GRM5: variants seen among roughly 807,000 people sequenced by gnomAD.
GRM5 encodes glutamate metabotropic receptor 5, also known as metabotropic glutamate receptor 5.
A neutral mutation model predicts 83.1 loss-of-function variants in GRM5; 19 were observed. That is an observed-to-expected ratio of 0.23 (90% CI 0.16 to 0.34). The LOEUF (loss-of-function observed/expected upper bound fraction) is 0.34, where lower values mean the gene tolerates loss of function less well. GRM5 is among the 10% of genes least tolerant of loss of function. The pLI is 1.00. For missense variants in GRM5, 1,160 were observed against 1,588.3 expected (o/e 0.73, Z 4.58); for synonymous variants, 675 against 633.6 (o/e 1.07, Z -0.98).
intron 2 of GRM5, among the ~76,000 whole-genome samples, chr11:88,897,934 T>C (rs1484313360): frequency 6.6e-6 from 1 of 152,024 alleles, no homozygotes; most frequent in East Asian, 1.9e-4. Flanking sequence ...GCCCCATGTT[T>C]GACCAACTTT....
chr11:88,984,486 T>A (rs1939632181), intron 2 of GRM5, among the ~76,000 whole-genome samples: 2 of 152,272 alleles, frequency 1.3e-5, no homozygotes, highest in African/African-American at 4.8e-5. Flanking sequence ...GTTCACAGGA[T>A]GAAACTGCCT....
intron 2 of GRM5, among the ~76,000 whole-genome samples, chr11:88,901,056 G>T (rs1412865365): frequency 6.6e-6 from 1 of 152,058 alleles, no homozygotes; most frequent in East Asian, 1.9e-4. Flanking sequence ...AGAACTTTTA[G>T]GCCAGTTATC....
chr11:88,951,712 T>C (rs2135680115), intron 2 of GRM5, among the ~76,000 whole-genome samples: 1 of 152,364 alleles, frequency 6.6e-6, no homozygotes, highest in East Asian at 1.9e-4. Flanking sequence ...CAACAACGTC[T>C]ATAGTGCAAG....
chr11:88,744,694 T>C (rs1047727301), intron 3 of GRM5, among the ~76,000 whole-genome samples: 4 of 151,914 alleles, frequency 2.6e-5, no homozygotes, highest in African/African-American at 9.7e-5. Flanking sequence ...AAAAAGAAAA[T>C]AAAGGTGGCT....
rs1942905856 is a variant in GRM5 at position 88,567,815 on chromosome 11, G to A, written c.1868C>T (p.Ala623Val). The A allele has an allele frequency of 1.9e-6, 3 of 1,614,016 alleles. No homozygotes were observed. In the African/African-American group the frequency reaches 4.0e-5, roughly 22 times the overall value. Residue 623 changes from alanine (A) to valine (V), a missense_variant, in exon 8 of 10, where the codon GCT becomes GTT. Transcript: ENST00000305447. The surrounding 1 kb of genome is among the most constrained non-coding windows in gnomAD (Gnocchi z 7.3). ...SSRELCYIIL[A>V]GICLGYLCTF... ...ACATAAGTAGCCCAGGCAGATGCCAGCAAGGATAATGTAGCAGAGTTCCCT... is the reference window on the plus strand; with the variant it reads ...ACATAAGTAGCCCAGGCAGATGCCAACAAGGATAATGTAGCAGAGTTCCCT...
rs781319056 is a variant in GRM5 at position 88,507,965 on chromosome 11, C to A, written c.*627G>T. The A allele has an allele frequency of 6.6e-6, 1 of 152,454 alleles. No individual in the cohort carries two copies. The highest frequency in any genetic ancestry group is 6.5e-5 in the Admixed American group (1 of 15,278). The allele number at this position is 152,454 out of a possible 1,614,324, so 9.4% of individuals were successfully genotyped here. A position where few individuals can be genotyped will look rare whatever the true frequency, so the allele number is the denominator to read the frequency against. ...AGGAAAATCTCTGGTAGAAGCCCTA[C>A]GTAGTACATTAGCGCAGCACTCACT... On this transcript the variant is annotated 3_prime_UTR_variant, in exon 10 of 10. Transcript: ENST00000305447.
intron 3 of GRM5, among the ~76,000 whole-genome samples, chr11:88,701,435 A>C (rs1173545551): frequency 6.6e-6 from 1 of 152,122 alleles, no homozygotes; most frequent in Non-Finnish European, 1.5e-5. Context: ...TTCTTGGAAG[A>C]GTGAGGGAAC....
At chr11:88,717,058 T>A (rs983080879) in intron 3 of GRM5, among the ~76,000 whole-genome samples, 2 of 151,988 alleles carry the variant, frequency 1.3e-5, no homozygotes, top group Admixed American at 1.3e-4. Flanking sequence ...TAAATTATCA[T>A]GTATGTCTAT....
chr11:88,552,677 G>A (rs1212854993), intron 8 of GRM5, among the ~76,000 whole-genome samples: 1 of 152,154 alleles, frequency 6.6e-6, no homozygotes, highest in East Asian at 1.9e-4. Flanking sequence ...GAGGGGAGAA[G>A]AAAAGGAGGA....
intron 3 of GRM5, among the ~76,000 whole-genome samples, chr11:88,773,972 C>A (rs1032783351): frequency 6.6e-6 from 1 of 152,032 alleles, no homozygotes; most frequent in African/African-American, 2.4e-5. Flanking sequence ...AAAGTAGTTT[C>A]TTCCAATTCT....
intron 2 of GRM5, among the ~76,000 whole-genome samples, chr11:88,871,226 A>T (rs754374722): frequency 2.6e-5 from 4 of 151,660 alleles, no homozygotes; most frequent in Non-Finnish European, 5.9e-5. Flanking sequence ...AGATGAAGAA[A>T]CTACAGCAGA....
At chr11:88,757,544 A>T (rs1603894) in intron 3 of GRM5, among the ~76,000 whole-genome samples, 109,856 of 151,768 alleles carry the variant, frequency 0.72, 40,181 homozygotes, top group African/African-American at 0.75. Context: ...CCACAGAGAG[A>T]GCACACAGAC....
chr11:88,565,248 A>G (rs1380300974), intron 8 of GRM5, among the ~76,000 whole-genome samples: 3 of 152,232 alleles, frequency 2.0e-5, no homozygotes, highest in Non-Finnish European at 4.4e-5. Context: ...GCTACCTTCA[A>G]TAAAGTGCCT....
intron 3 of GRM5, among the ~76,000 whole-genome samples, chr11:88,782,088 T>C (rs531481936): frequency 2.8e-4 from 42 of 152,114 alleles, no homozygotes; most frequent in Non-Finnish European, 5.4e-4. Context: ...GCATGGTATT[T>C]ATTAATATGT....
chr11:88,787,509 T>G (rs1198022224), intron 3 of GRM5, among the ~76,000 whole-genome samples: 1 of 152,078 alleles, frequency 6.6e-6, no homozygotes, highest in East Asian at 1.9e-4. Context: ...GGAAATGGCA[T>G]GATTTCCTAT....
intron 3 of GRM5, among the ~76,000 whole-genome samples, chr11:88,728,966 A>G (rs1941744524): frequency 6.6e-6 from 1 of 152,202 alleles, no homozygotes; most frequent in Non-Finnish European, 1.5e-5. Flanking sequence ...CCAGTACAAG[A>G]CAAGGATGCC....
intron 3 of GRM5, among the ~76,000 whole-genome samples, chr11:88,740,712 G>A (rs1358386556): frequency 1.3e-5 from 2 of 152,034 alleles, no homozygotes; most frequent in South Asian, 2.1e-4. Flanking sequence ...CTCAGGAGTA[G>A]TTTTTCTCTC....
At position 88,912,118 on chromosome 11, in the gene GRM5, G is replaced by A. The variant is rs575191062; in HGVS notation, c.662-61963C>T. On this transcript the variant is annotated intron_variant, in intron 2 of 9. Coordinates refer to ENST00000305447, the MANE Select transcript of GRM5 (RefSeq NM_001143831.3). ...ACTTCCTAAAATGACCAAATGAAGA[G>A]TATTAGAGCATTCAAAAATTGAGAT... The A allele has an allele frequency of 1.9e-3, 572 of 305,364 alleles. 6 individuals carry two copies. The highest frequency in any genetic ancestry group is 0.012 in the African/African-American group (527 of 44,300). 18.9% of individuals were successfully genotyped at this position (305,364 alleles called of 1,614,324 possible). A position where few individuals can be genotyped will look rare whatever the true frequency, so the allele number is the denominator to read the frequency against.
At chr11:88,926,008 C>G (rs1590969730) in intron 2 of GRM5, among the ~76,000 whole-genome samples, 1 of 152,166 alleles carries the variant, frequency 6.6e-6, no homozygotes, top group African/African-American at 2.4e-5. Context: ...CTTAAAGGAG[C>G]CAGGATTAAA....
Sources: gnomAD v4.1 joint callset for allele counts (sites outside exome capture counted in the v4.1 genomes callset) on GRCh38, gnomAD v4.1.1 for gene constraint, Gnocchi (gnomAD v3.1) non-coding constraint, MANE v1.5 for transcripts, NCBI Gene and HGNC (gene_info 2026-07-23, HGNC 2026-07-21) for gene names.